The following AMOT variants were observed in gnomAD, a reference collection of about 807,000 sequenced individuals.
AMOT encodes angiomotin.
In AMOT, 11 loss-of-function variants were observed where a neutral mutation model predicts 67.0. The ratio of observed to expected loss-of-function variants is 0.16; its 90% CI spans 0.10 to 0.27. The LOEUF is 0.27. Ranked by LOEUF, AMOT falls within the 10% of genes least tolerant of loss-of-function variation. AMOT has a pLI of 1.00. For synonymous variants in AMOT, 326 were observed against 321.4 expected (o/e 1.01, Z -0.15); for missense variants, 753 against 852.0 (o/e 0.88, Z 1.45).
In AMOT at chrX:112,783,207, A is replaced by T. The variant is rs746392951; in HGVS notation, c.2118-545T>A. ...CTATCTGGGAGGTTGAGGCAGGAGA[A>T]TCACTTGAACCCGGGAGGTGAAGGT... On this transcript the variant is annotated intron_variant, in intron 10 of 13. Transcript: ENST00000371959. Among the ~76,000 whole-genome samples the T allele has an allele frequency of 6.4e-5, 7 of 108,631 alleles. No individual in the cohort carries two copies. In the East Asian group the frequency reaches 2.0e-3, roughly 31 times the overall value. The allele number at this position is 108,631 out of a possible 115,157, so 94.3% of individuals were successfully genotyped here.
chrX:112,781,179 C>T (rs1392287785), intron 11 of AMOT, 61 bp from the exon 12 acceptor site: 15 of 1,057,957 alleles, frequency 1.4e-5, no homozygotes, highest in African/African-American at 5.6e-5. Context: ...CGGTGGCTTA[C>T]GCCTGTAATC....
intron 12 of AMOT, among the ~76,000 whole-genome samples, chrX:112,780,178 G>A (rs1452185651): frequency 8.9e-6 from 1 of 111,942 alleles, no homozygotes; most frequent in Non-Finnish European, 1.9e-5. Flanking sequence ...TGTGATCTGA[G>A]GTTCTCACCA....
At chrX:112,831,756 A>G (rs181643209) in intron 2 of AMOT, among the ~76,000 whole-genome samples, 1 of 110,334 alleles carries the variant, frequency 9.1e-6, no homozygotes, top group East Asian at 2.8e-4. Context: ...AGCTAAGGTC[A>G]TAAGAGAGGG....
chrX:112,817,017 C>G (rs1934584895), intron 4 of AMOT, among the ~76,000 whole-genome samples: 1 of 112,209 alleles, frequency 8.9e-6, no homozygotes, highest in South Asian at 3.7e-4. Context: ...GCACTGAAGA[C>G]AAAAAGCTTG....
At chrX:112,816,563 T>C (rs746194384) in intron 4 of AMOT, among the ~76,000 whole-genome samples, 1 of 112,136 alleles carries the variant, frequency 8.9e-6, no homozygotes, top group Non-Finnish European at 1.9e-5. Context: ...TAACATACTA[T>C]TTTTGATGTA....
At chrX:112,811,227 A>G (rs1309704490) in intron 6 of AMOT, 22 bp downstream of exon 6, 1 of 1,208,408 alleles carries the variant, frequency 8.3e-7, no homozygotes, top group Non-Finnish European at 1.1e-6. Context: ...AAGTACAAAG[A>G]CAAGTCTGTT....
At chrX:112,782,481 T>C in intron 11 of AMOT, 59 bp downstream of exon 11, 1 of 1,198,124 alleles carries the variant, frequency 8.3e-7, no homozygotes, top group Non-Finnish European at 1.1e-6. Flanking sequence ...TGAATAAAGA[T>C]CCTATGTGGT....
intron 3 of AMOT, among the ~76,000 whole-genome samples, chrX:112,824,125 G>A (rs186828088): frequency 1.7e-3 from 184 of 111,378 alleles, no homozygotes; most frequent in Middle Eastern, 4.7e-3. Context: ...TGGTTTACAG[G>A]GTATACAACT....
At chrX:112,787,430 T>C (rs746566453) in intron 10 of AMOT, among the ~76,000 whole-genome samples, 1 of 111,911 alleles carries the variant, frequency 8.9e-6, no homozygotes, top group South Asian at 3.8e-4. Context: ...AAATGCAATA[T>C]GATTCCTTTT....
At chrX:112,795,965 C>T (rs1012213367) in intron 8 of AMOT, among the ~76,000 whole-genome samples, 10 of 109,975 alleles carry the variant, frequency 9.1e-5, no homozygotes, top group African/African-American at 2.7e-4. Flanking sequence ...ATATTTCACC[C>T]CTCACTGCCT....
At chrX:112,779,894 C>T (rs1466656319) in intron 12 of AMOT, among the ~76,000 whole-genome samples, 2 of 110,552 alleles carry the variant, frequency 1.8e-5, no homozygotes, top group Non-Finnish European at 3.8e-5. Context: ...ACCCAGAAAT[C>T]AGTGTGTGAG....
chrX:112,839,058 T>C (rs1820626067), intron 1 of AMOT, among the ~76,000 whole-genome samples: 2 of 112,337 alleles, frequency 1.8e-5, no homozygotes, highest in Admixed American at 1.9e-4. Context: ...GCCTTTAAAA[T>C]TGTCGCCCTT....
Position 112,781,042 on chromosome X carries a change from G to A in AMOT, c.2317C>T (p.Pro773Ser). ...CACGACAGCTGCTCTGTCTTGCTCG[G>A]CTCCTTCCGGGAACGCTGCTGGAGT... The part of the protein sequence containing the change: ...KVLQQRSRKE[P>S]SKTEQLSCMR... The change falls in exon 12 of 14, where the codon CCG (proline) becomes TCG (serine). Residue 773 changes from proline (P) to serine (S), a missense_variant. Transcript: ENST00000371959. 8.3e-7 allele frequency: 1 copy of A among 1,211,938 alleles called. No individual in the cohort carries two copies.
intron 10 of AMOT, among the ~76,000 whole-genome samples, chrX:112,790,061 C>T (rs1485375088): frequency 2.9e-5 from 3 of 102,519 alleles, no homozygotes; most frequent in Admixed American, 1.2e-4. Context: ...TGACCGCTCA[C>T]GCACGATGAG....
intron 1 of AMOT, among the ~76,000 whole-genome samples, chrX:112,833,478 AG>A (rs34937321): frequency 0.32 from 21,389 of 66,460 alleles, 2,655 homozygotes; most frequent in African/African-American, 0.48. Context: ...CTGGGAGTAA[AG>A]GGGGGGGGGG....
Position 112,787,418 on chromosome X carries a change from G to A in AMOT, c.2117+3174C>T, listed in dbSNP as rs148941527. On this transcript the variant is annotated intron_variant, in intron 10 of 13. Transcript: ENST00000371959. ...GAGTGCAATATGTCAAACAAGAAGA[G>A]TAAATGCAATATGATTCCTTTTATA... is the stretch of plus-strand genomic sequence containing the variant. Among the ~76,000 whole-genome samples, 1,040 of 111,690 alleles carry A rather than the reference G, an allele frequency of 9.3e-3. 11 individuals are homozygous for A. The highest frequency in any genetic ancestry group is 0.032 in the African/African-American group (984 of 30,699).
At chrX:112,802,310 A>G (rs967126443) in intron 8 of AMOT, among the ~76,000 whole-genome samples, 2 of 112,385 alleles carry the variant, frequency 1.8e-5, no homozygotes, top group Middle Eastern at 4.2e-3. Flanking sequence ...GCAATTTCCT[A>G]TATCTGAGGA....
At chrX:112,815,927 G>A (rs537925031) in intron 4 of AMOT, 50 bp from the exon 5 acceptor site, 7 of 1,132,051 alleles carry the variant, frequency 6.2e-6, no homozygotes, top group African/African-American at 3.6e-5. Flanking sequence ...CTAAGGCACT[G>A]GGGGAGAAGG....
intron 10 of AMOT, among the ~76,000 whole-genome samples, chrX:112,785,386 T>C (rs957858409): frequency 1.8e-5 from 2 of 112,127 alleles, no homozygotes; most frequent in Admixed American, 9.5e-5. Flanking sequence ...AAGCCTATCT[T>C]TTCCTATCAG....
Sources: gnomAD v4.1 joint callset for allele counts (sites outside exome capture counted in the v4.1 genomes callset) on GRCh38, gnomAD v4.1.1 for gene constraint, MANE v1.5 for transcripts, NCBI Gene and HGNC (gene_info 2026-07-23, HGNC 2026-07-21) for gene names.